RIN3: variants seen among roughly 807,000 people sequenced by gnomAD.
RIN3 encodes Ras and Rab interactor 3.
In RIN3, 54 loss-of-function variants were observed where a neutral mutation model predicts 76.3. The ratio of observed to expected loss-of-function variants is 0.71; its 90% CI spans 0.57 to 0.89. The LOEUF is 0.89. Among genes scored for constraint, RIN3 ranks in the 40% least tolerant of loss-of-function variants. RIN3 has a pLI of 0.00. For missense variants in RIN3, 1,256 were observed against 1,322.1 expected, an observed-to-expected ratio of 0.95 and a Z score of 0.78; for synonymous variants, 576 against 564.0, an observed-to-expected ratio of 1.02 and a Z score of -0.30.
At chr14:92,549,188 C>CT (rs1897355204) in intron 1 of RIN3, among the ~76,000 whole-genome samples, 1 of 152,334 alleles carries the variant, frequency 6.6e-6, no homozygotes, top group Admixed American at 6.5e-5. Flanking sequence ...CTTGTTGAAG[C>CT]TGGGAGGCCA....
In RIN3 at chr14:92,652,179, C is replaced by A; in HGVS notation, c.1130C>A (p.Pro377His). Reference sequence around the variant, plus strand: ...CAGCAGGTCCCCGCCCCGCCACTGCCTGCGAAGAAGAACCTTCCCACTGCC... The same window carrying A: ...CAGCAGGTCCCCGCCCCGCCACTGCATGCGAAGAAGAACCTTCCCACTGCC... ...PLQQVPAPPL[P>H]AKKNLPTAPP... The change falls in exon 6 of 10, where the codon CCT (proline) becomes CAT (histidine). Residue 377 changes from proline to histidine, a missense_variant. Pro to His is a moderately conservative substitution (Grantham distance 77, BLOSUM62 -2). Coordinates refer to ENST00000216487, the MANE Select transcript of RIN3 (RefSeq NM_024832.5). The surrounding 1 kb of genome is among the most constrained non-coding windows in gnomAD (Gnocchi z 6.4). 6.2e-7 allele frequency: 1 copy of A among 1,604,514 alleles called. No homozygotes were observed. The highest frequency in any genetic ancestry group is 8.5e-7 in the Non-Finnish European group (1 of 1,174,002).
chr14:92,591,921 C>T (rs919839947), intron 3 of RIN3, among the ~76,000 whole-genome samples: 1 of 152,090 alleles, frequency 6.6e-6, no homozygotes, highest in East Asian at 1.9e-4. Context: ...TAAGTGAAGG[C>T]AAAAGAAAAA....
chr14:92,661,637 T>A (rs546673943), intron 7 of RIN3, among the ~76,000 whole-genome samples: 13 of 151,366 alleles, frequency 8.6e-5, no homozygotes, highest in Non-Finnish European at 1.8e-4. Flanking sequence ...AGCAGGAGAA[T>A]CACTTGAACC....
intron 1 of RIN3, among the ~76,000 whole-genome samples, chr14:92,531,716 G>A (rs968284083): frequency 5.3e-5 from 8 of 152,266 alleles, no homozygotes; most frequent in Non-Finnish European, 8.8e-5. Flanking sequence ...TGCAATGGGC[G>A]TGTCAGGGCT....
At chr14:92,677,793 C>T (rs1888520506) in intron 8 of RIN3, among the ~76,000 whole-genome samples, 1 of 151,942 alleles carries the variant, frequency 6.6e-6, no homozygotes, top group African/African-American at 2.4e-5. Context: ...TCCACCCATT[C>T]ACCTACCCAT....
intron 4 of RIN3, among the ~76,000 whole-genome samples, chr14:92,627,694 G>A (rs904566370): frequency 2.0e-5 from 3 of 151,928 alleles, no homozygotes; most frequent in Non-Finnish European, 4.4e-5. Flanking sequence ...CAGTGGGTGG[G>A]GTCCCAATCT....
chr14:92,631,158 T>A (rs370509613), intron 4 of RIN3, among the ~76,000 whole-genome samples: 30 of 152,298 alleles, frequency 2.0e-4, no homozygotes, highest in African/African-American at 6.7e-4. Flanking sequence ...ACAGGCCTGG[T>A]CCTGAGCAAG....
At position 92,530,770 on chromosome 14, in the gene RIN3, G is replaced by T. The variant is rs775175515; in HGVS notation, c.44+16794G>T. Among the ~76,000 whole-genome samples, 80 of 151,920 alleles carry T rather than the reference G, an allele frequency of 5.3e-4. 1 individual carries two copies. Among genetic ancestry groups the T allele is most frequent in the Non-Finnish European group, 2.2e-4 (15 of 67,990 alleles). ...GCCCTACTGCCTTTTCTACATCCAC[G>T]TGTGCCTGGATCCTGGAAGGGATGC... On this transcript the variant is annotated intron_variant, in intron 1 of 9. Coordinates refer to ENST00000216487, the MANE Select transcript of RIN3 (RefSeq NM_024832.5).
chr14:92,671,812 C>T (rs756860077), intron 7 of RIN3, among the ~76,000 whole-genome samples: 1 of 152,206 alleles, frequency 6.6e-6, no homozygotes, highest in Non-Finnish European at 1.5e-5. Context: ...CTCTGCATCC[C>T]AGGATGTCAT....
intron 1 of RIN3, among the ~76,000 whole-genome samples, chr14:92,550,658 A>G (rs1595408226): frequency 6.6e-6 from 1 of 152,178 alleles, no homozygotes; most frequent in South Asian, 2.1e-4. Flanking sequence ...GGCTCAAACA[A>G]CCTTCCTGCC....
Position 92,676,747 on chromosome 14 carries a change from C to T in RIN3, c.2467+141C>T. ...TGGACCCATGGATGCAAATGTGAAT[C>T]CTACACAGGTCCTGTCCTGCAGGAG... On this transcript the variant is annotated intron_variant, in intron 8 of 9. Coordinates refer to ENST00000216487, the MANE Select transcript of RIN3 (RefSeq NM_024832.5). 3.4e-6 allele frequency: 3 copies of T among 880,700 alleles called. No homozygotes were observed. The East Asian group carries it at 8.0e-5, about 24-fold the overall frequency. 54.6% of individuals were successfully genotyped at this position (880,700 alleles called of 1,614,324 possible). A position where few individuals can be genotyped will look rare whatever the true frequency, so the allele number is the denominator to read the frequency against.
intron 1 of RIN3, among the ~76,000 whole-genome samples, chr14:92,553,195 A>G (rs1175769006): frequency 2.0e-5 from 3 of 152,128 alleles, no homozygotes; most frequent in Non-Finnish European, 4.4e-5. Context: ...CAAAGAAGAA[A>G]TGAAGCTGAT....
intron 4 of RIN3, among the ~76,000 whole-genome samples, chr14:92,619,579 A>G (rs1886100500): frequency 6.6e-6 from 1 of 151,754 alleles, no homozygotes; most frequent in African/African-American, 2.4e-5. Context: ...AGCTGGGACT[A>G]CAAGCGCCTG....
At chr14:92,549,451 C>G (rs1363569368) in intron 1 of RIN3, among the ~76,000 whole-genome samples, 1 of 152,216 alleles carries the variant, frequency 6.6e-6, no homozygotes, top group Non-Finnish European at 1.5e-5. Flanking sequence ...TAGGCAGCAT[C>G]TAGCCAGGGC....
At chr14:92,603,713 T>C (rs1885425545) in intron 3 of RIN3, among the ~76,000 whole-genome samples, 2 of 152,182 alleles carry the variant, frequency 1.3e-5, no homozygotes, top group Non-Finnish European at 2.9e-5. Flanking sequence ...TCTGCTCTTC[T>C]CACTTTTGGC....
At chr14:92,561,145 T>A (rs12880994) in intron 2 of RIN3, among the ~76,000 whole-genome samples, 9 of 45,266 alleles carry the variant, frequency 2.0e-4, no homozygotes, top group Admixed American at 5.0e-4. Context: ...TTATATATAT[T>A]TTTATATATA....
At chr14:92,590,525 A>T (rs926466969) in intron 3 of RIN3, among the ~76,000 whole-genome samples, 5 of 152,160 alleles carry the variant, frequency 3.3e-5, no homozygotes, top group African/African-American at 1.2e-4. Context: ...TTCCACCATA[A>T]TTGAAAGCTC....
intron 4 of RIN3, among the ~76,000 whole-genome samples, chr14:92,632,513 C>T (rs1482237042): frequency 3.9e-5 from 6 of 152,200 alleles, no homozygotes; most frequent in East Asian, 1.9e-4. Context: ...GCTCAAAAAA[C>T]GATCAAGCAT....
intron 8 of RIN3, among the ~76,000 whole-genome samples, chr14:92,680,563 C>T (rs1888627558): frequency 6.6e-6 from 1 of 152,150 alleles, no homozygotes; most frequent in Non-Finnish European, 1.5e-5. Flanking sequence ...ACCTAATGAC[C>T]TCCCAAAGGC....
Sources: allele counts gnomAD v4.1 joint callset (sites outside exome capture counted in the v4.1 genomes callset), GRCh38; gene constraint gnomAD v4.1.1; non-coding constraint Gnocchi (gnomAD v3.1); transcripts MANE v1.5; gene names NCBI Gene and HGNC (gene_info 2026-07-23, HGNC 2026-07-21).